The following GTF2A1L variants were observed in gnomAD, a reference collection of about 807,000 sequenced individuals.
GTF2A1L encodes the protein general transcription factor IIA subunit 1 like.
A neutral mutation model predicts 49.7 loss-of-function variants in GTF2A1L; 48 were observed. The observed-to-expected ratio is 0.97, with a 90% CI of 0.77 to 1.23. The LOEUF (loss-of-function observed/expected upper bound fraction) is 1.23, where lower values mean the gene tolerates loss of function less well. Ranked by LOEUF, GTF2A1L falls within the 50% of genes most tolerant of loss-of-function variation. The pLI, the probability that GTF2A1L is intolerant of heterozygous loss-of-function variation, is 0.00. For synonymous variants in GTF2A1L, 246 were observed against 193.5 expected, an observed-to-expected ratio of 1.27 and a Z score of -2.25; for missense variants, 736 against 564.8, an observed-to-expected ratio of 1.30 and a Z score of -3.07.
chr2:48,654,436 T>A, intron 6 of GTF2A1L, among the ~76,000 whole-genome samples: 1 of 152,142 alleles, frequency 6.6e-6, no homozygotes, highest in Non-Finnish European at 1.5e-5. Flanking sequence ...TCTCGCTCTG[T>A]CGCCCAGGCT....
At chr2:48,646,112 T>C (rs1226574335) in intron 5 of GTF2A1L, among the ~76,000 whole-genome samples, 1 of 152,152 alleles carries the variant, frequency 6.6e-6, no homozygotes, top group East Asian at 1.9e-4. Flanking sequence ...AAATCCAGTT[T>C]TTTGGCTGAT....
intron 6 of GTF2A1L, among the ~76,000 whole-genome samples, chr2:48,665,855 T>C (rs1678813190): frequency 6.6e-6 from 1 of 152,154 alleles, no homozygotes; most frequent in Non-Finnish European, 1.5e-5. Flanking sequence ...TCCATATCTT[T>C]ACTGAATTTC....
At position 48,669,972 on chromosome 2, in the gene GTF2A1L, T is replaced by C. The variant is rs1572774896; in HGVS notation, c.1229T>C (p.Ile410Thr). The change falls in exon 7 of 9, where the codon ATT becomes ACT. Residue 410 changes from isoleucine to threonine, a missense_variant. By Grantham distance (89) the Ile-to-Thr change is moderately conservative (BLOSUM62 -1). Transcript: ENST00000403751. ...GATAATGAAGACCCTCAAGTAAACA[T>C]TGTAGAAGAGGTGAGGATGACTTTT... ...SSDNEDPQVN[I>T]VEEDPLNSGD... 2.5e-6 allele frequency: 4 copies of C among 1,611,136 alleles called. No individual in the cohort carries two copies. The highest frequency in any genetic ancestry group is 1.7e-4 in the Middle Eastern group (1 of 6,048).
rs1357143906 is a variant in GTF2A1L at position 48,629,874 on chromosome 2, G to T, written c.247+8584G>T. Among the ~76,000 whole-genome samples, 4 of 144,484 alleles carry T rather than the reference G, an allele frequency of 2.8e-5. 2 individuals carry two copies. The Admixed American group carries it at 2.8e-4, about 10-fold the overall frequency. The allele number at this position is 144,484 out of a possible 152,430, so 94.8% of individuals were successfully genotyped here. A position where few individuals can be genotyped will look rare whatever the true frequency, so the allele number is the denominator to read the frequency against. ...CCCATCACCATTTATTGACTAGGGA[G>T]TCCTTTCCCCGTTGCTTATTTTTGT... On this transcript the variant is annotated intron_variant, in intron 3 of 8. Transcript: ENST00000403751.
At chr2:48,619,216 C>T (rs574842778) in intron 1 of GTF2A1L, among the ~76,000 whole-genome samples, 1 of 152,080 alleles carries the variant, frequency 6.6e-6, no homozygotes, top group Non-Finnish European at 1.5e-5. Flanking sequence ...CACCTGTAAT[C>T]CCAGCACCTT....
chr2:48,619,456 C>G (rs1453320962), intron 1 of GTF2A1L, among the ~76,000 whole-genome samples: 2 of 141,654 alleles, frequency 1.4e-5, no homozygotes, highest in South Asian at 2.2e-4. Flanking sequence ...GGTGACAGAG[C>G]AAGACTCCAT....
intron 6 of GTF2A1L, among the ~76,000 whole-genome samples, chr2:48,654,278 G>A (rs1422858536): frequency 1.3e-5 from 2 of 152,060 alleles, no homozygotes; most frequent in Non-Finnish European, 2.9e-5. Context: ...TGCTTCATGT[G>A]TCTTATCAAA....
At chr2:48,635,177 C>T (rs914798431) in intron 3 of GTF2A1L, among the ~76,000 whole-genome samples, 5 of 151,994 alleles carry the variant, frequency 3.3e-5, no homozygotes, top group African/African-American at 1.2e-4. Context: ...GCTAGTGGAC[C>T]AGGCAAGCAG....
At chr2:48,629,227 C>T (rs1374137357) in intron 3 of GTF2A1L, among the ~76,000 whole-genome samples, 6 of 140,100 alleles carry the variant, frequency 4.3e-5, no homozygotes, top group East Asian at 2.0e-4. Context: ...GGCAACAGAG[C>T]GAGACTCCGT....
At chr2:48,626,606 T>C (rs1395328543) in intron 3 of GTF2A1L, among the ~76,000 whole-genome samples, 1 of 144,126 alleles carries the variant, frequency 6.9e-6, no homozygotes, top group African/African-American at 2.5e-5. Flanking sequence ...AGGGTCTGGC[T>C]CTGTCATCCA....
intron 6 of GTF2A1L, among the ~76,000 whole-genome samples, chr2:48,666,140 GTGTTTT>G (rs1274379181): frequency 6.6e-6 from 1 of 151,242 alleles, no homozygotes; most frequent in Non-Finnish European, 1.5e-5. Context: ...TGCATGGTAT[GTGTTTT>G]TTCTGTTCAT....
intron 3 of GTF2A1L, among the ~76,000 whole-genome samples, chr2:48,636,900 T>C (rs1465855369): frequency 6.6e-6 from 1 of 152,186 alleles, no homozygotes; most frequent in Non-Finnish European, 1.5e-5. Flanking sequence ...TTGGTCTTCA[T>C]GTCACATGAT....
At chr2:48,647,238 C>T (rs1205772666) in intron 6 of GTF2A1L, 196 bp downstream of exon 6, 1 of 494,002 alleles carries the variant, frequency 2.0e-6, no homozygotes, top group African/African-American at 2.0e-5. Flanking sequence ...TAAAGTTTAC[C>T]AACTTAACCA....
Position 48,629,147 on chromosome 2 carries a change from A to G in GTF2A1L, c.247+7857A>G. Among the ~76,000 whole-genome samples the G allele has an allele frequency of 1.4e-5, 2 of 142,902 alleles. 1 individual carries two copies. Among genetic ancestry groups the G allele is most frequent in the Non-Finnish European group, 3.2e-5 (2 of 63,474 alleles). The allele number at this position is 142,902 out of a possible 152,430, so 93.7% of individuals were successfully genotyped here. On this transcript the variant is annotated intron_variant, in intron 3 of 8. Transcript: ENST00000403751. ...TCCCAGCTGCTCAGGAGGCTGAGGCAGGAGAATTGCTTGAACCTAGGAGGC... is the reference window on the plus strand; with the variant it reads ...TCCCAGCTGCTCAGGAGGCTGAGGCGGGAGAATTGCTTGAACCTAGGAGGC...
intron 7 of GTF2A1L, among the ~76,000 whole-genome samples, chr2:48,671,274 C>T (rs555454088): frequency 6.6e-6 from 1 of 152,238 alleles, no homozygotes; most frequent in African/African-American, 2.4e-5. Flanking sequence ...GTGATCACAG[C>T]TCACTGCAGC....
chr2:48,662,339 C>A (rs927795270), intron 6 of GTF2A1L, among the ~76,000 whole-genome samples: 1 of 152,166 alleles, frequency 6.6e-6, no homozygotes, highest in South Asian at 2.1e-4. Flanking sequence ...ATGTATTTAA[C>A]TTTACCAGAT....
chr2:48,624,989 C>G (rs1011022156), intron 3 of GTF2A1L, among the ~76,000 whole-genome samples: 1 of 144,062 alleles, frequency 6.9e-6, no homozygotes, highest in South Asian at 2.3e-4. Context: ...GTTTACAAAT[C>G]TTGGCTATCG....
intron 1 of GTF2A1L, among the ~76,000 whole-genome samples, chr2:48,618,525 A>T (rs1467722414): frequency 6.6e-6 from 1 of 152,202 alleles, no homozygotes; most frequent in Admixed American, 6.5e-5. Context: ...TTTATTACCA[A>T]TTCATCTCAA....
chr2:48,636,653 T>G (rs1253511214), intron 3 of GTF2A1L, among the ~76,000 whole-genome samples: 1 of 152,230 alleles, frequency 6.6e-6, no homozygotes, highest in Non-Finnish European at 1.5e-5. Flanking sequence ...ATAAACACCC[T>G]GAAAATGGTC....
Sources: gnomAD v4.1 joint callset for allele counts (sites outside exome capture counted in the v4.1 genomes callset) on GRCh38, gnomAD v4.1.1 for gene constraint, MANE v1.5 for transcripts, NCBI Gene and HGNC (gene_info 2026-07-23, HGNC 2026-07-21) for gene names.